ENTREP2: variants seen among roughly 807,000 people sequenced by gnomAD.
The protein encoded by ENTREP2 is endosomal transmembrane epsin interactor 2, also known as protein ENTREP2.
the ENTREP2 span, among the ~76,000 whole-genome samples, chr15:29,394,703 T>C: frequency 6.6e-6 from 1 of 151,986 alleles, no homozygotes; most frequent in African/African-American, 2.4e-5. Context: ...AATTAAAACT[T>C]TGTATCCATT....
the ENTREP2 span, among the ~76,000 whole-genome samples, chr15:29,328,176 A>G: frequency 6.6e-6 from 1 of 152,244 alleles, no homozygotes. Flanking sequence ...AAATAAGTGA[A>G]TCTTAAAAAG....
chr15:29,196,086 C>T, the ENTREP2 span, among the ~76,000 whole-genome samples: 1 of 151,874 alleles, frequency 6.6e-6, no homozygotes, highest in Non-Finnish European at 1.5e-5. Context: ...AAATAAATCC[C>T]CATTTGTTCC....
chr15:29,240,446 T>G, the ENTREP2 span, among the ~76,000 whole-genome samples: 1 of 151,136 alleles, frequency 6.6e-6, no homozygotes, highest in Admixed American at 6.6e-5. Flanking sequence ...CTATGGGAGG[T>G]GCTTTGGTCA....
chr15:29,495,938 C>T, the ENTREP2 span, among the ~76,000 whole-genome samples: 1 of 151,934 alleles, frequency 6.6e-6, no homozygotes, highest in Non-Finnish European at 1.5e-5. Context: ...TTTTCTATTT[C>T]TGTGAAAAAT....
the ENTREP2 span, among the ~76,000 whole-genome samples, chr15:29,420,828 C>A: frequency 6.6e-6 from 1 of 152,182 alleles, no homozygotes; most frequent in African/African-American, 2.4e-5. Context: ...CAGGTCTGTG[C>A]TGTGGACTGA....
the ENTREP2 span, among the ~76,000 whole-genome samples, chr15:29,574,949 T>C: frequency 7.8e-3 from 1,185 of 152,254 alleles, 12 homozygotes; most frequent in African/African-American, 0.027. Flanking sequence ...AAGTATCTCC[T>C]TAAAAGTATC....
At chr15:29,651,645 C>G in the ENTREP2 span, among the ~76,000 whole-genome samples, 1 of 152,258 alleles carries the variant, frequency 6.6e-6, no homozygotes, top group Non-Finnish European at 1.5e-5. Flanking sequence ...CCCAGCTCAG[C>G]ACCCTCTCTG....
At chr15:29,656,730 T>A in the ENTREP2 span, among the ~76,000 whole-genome samples, 1 of 152,148 alleles carries the variant, frequency 6.6e-6, no homozygotes, top group Non-Finnish European at 1.5e-5. Flanking sequence ...CAACAGACTC[T>A]CTCATATCTT....
the ENTREP2 span, chr15:29,122,985 CT>C: frequency 5.2e-6 from 1 of 193,440 alleles, no homozygotes; most frequent in Non-Finnish European, 1.1e-5. Context: ...TACTTTGAGT[CT>C]TTAGGTGACG....
the ENTREP2 span, among the ~76,000 whole-genome samples, chr15:29,124,292 C>T: frequency 6.6e-6 from 1 of 152,218 alleles, no homozygotes; most frequent in South Asian, 2.1e-4. Context: ...CAAGGACCAG[C>T]GAAGGCCCGG....
chr15:29,441,669 T>A, the ENTREP2 span, among the ~76,000 whole-genome samples: 254 of 152,288 alleles, frequency 1.7e-3, 2 homozygotes, highest in South Asian at 0.014. Context: ...ACTACCATTA[T>A]CAGAAATTAC....
the ENTREP2 span, among the ~76,000 whole-genome samples, chr15:29,307,576 C>T: frequency 6.6e-6 from 1 of 152,188 alleles, no homozygotes; most frequent in Non-Finnish European, 1.5e-5. Flanking sequence ...TGTGCCCTCT[C>T]CATTCATATG....
chr15:29,158,837 A>G, the ENTREP2 span, among the ~76,000 whole-genome samples: 1 of 152,120 alleles, frequency 6.6e-6, no homozygotes, highest in African/African-American at 2.4e-5. Flanking sequence ...TGTATCTAAT[A>G]AATGATGTAT....
the ENTREP2 span, chr15:29,266,492 G>C: frequency 6.6e-6 from 1 of 152,110 alleles, no homozygotes; most frequent in Non-Finnish European, 1.5e-5. Context: ...TCAAAGAACT[G>C]GAAAGACCTT....
chr15:29,148,489 C>A, the ENTREP2 span, among the ~76,000 whole-genome samples: 1 of 152,164 alleles, frequency 6.6e-6, no homozygotes, highest in Non-Finnish European at 1.5e-5. Flanking sequence ...CTACACACAT[C>A]CTCCTGTATA....
chr15:29,393,868 A>C, the ENTREP2 span, among the ~76,000 whole-genome samples: 1 of 152,190 alleles, frequency 6.6e-6, no homozygotes, highest in East Asian at 1.9e-4. Context: ...AGCCCCAGCA[A>C]CTATATTTCT....
chr15:29,443,202 G>T, the ENTREP2 span, among the ~76,000 whole-genome samples: 1 of 152,170 alleles, frequency 6.6e-6, no homozygotes, highest in Non-Finnish European at 1.5e-5. Flanking sequence ...AGTGGAAGTT[G>T]CTCACCAGCC....
At chr15:29,424,263 C>T in the ENTREP2 span, among the ~76,000 whole-genome samples, 5 of 152,298 alleles carry the variant, frequency 3.3e-5, no homozygotes, top group East Asian at 1.9e-4. Context: ...GGGCTCCCAC[C>T]GCTGACTGGG....
chr15:29,480,955 G>A, the ENTREP2 span, among the ~76,000 whole-genome samples: 1 of 152,196 alleles, frequency 6.6e-6, no homozygotes, highest in East Asian at 1.9e-4. Context: ...AAATCCTGCA[G>A]AGGAACCCAG....
Sources: allele counts gnomAD v4.1 joint callset (sites outside exome capture counted in the v4.1 genomes callset), GRCh38; gene constraint gnomAD v4.1.1; transcripts MANE v1.5; gene names NCBI Gene and HGNC (gene_info 2026-07-23, HGNC 2026-07-21).